The following DIAPH2 variants were observed in gnomAD, a reference collection of about 807,000 sequenced individuals.
DIAPH2 encodes the protein protein diaphanous homolog 2.
A neutral mutation model predicts 92.7 loss-of-function variants in DIAPH2; 35 were observed. The observed-to-expected ratio is 0.38, with a 90% confidence interval of 0.29 to 0.50. The LOEUF is 0.50. DIAPH2 is among the 20% of genes least tolerant of loss of function. The pLI is 0.94. For synonymous variants in DIAPH2, 301 were observed against 280.4 expected, an observed-to-expected ratio of 1.07 and a Z score of -0.73; for missense variants, 701 against 819.5, an observed-to-expected ratio of 0.86 and a Z score of 1.77.
intron 1 of DIAPH2, among the ~76,000 whole-genome samples, chrX:96,710,231 A>G (rs2063909748): frequency 8.9e-6 from 1 of 111,753 alleles, no homozygotes; most frequent in South Asian, 3.7e-4. Context: ...TCCTACCACA[A>G]TAGTTCTTTT....
chrX:97,254,825 A>G (rs1206917042), intron 23 of DIAPH2, among the ~76,000 whole-genome samples: 1 of 109,550 alleles, frequency 9.1e-6, no homozygotes, highest in African/African-American at 3.3e-5. Context: ...TCAGCTGCCC[A>G]AGTAGCTGGG....
chrX:97,214,011 G>A (rs1268071247), intron 22 of DIAPH2, among the ~76,000 whole-genome samples: 2 of 111,576 alleles, frequency 1.8e-5, no homozygotes, highest in East Asian at 5.7e-4. Flanking sequence ...GTAGGAAATT[G>A]CCCAGTAAAA....
At chrX:97,083,187 A>G (rs1323813497) in intron 19 of DIAPH2, among the ~76,000 whole-genome samples, 1 of 112,103 alleles carries the variant, frequency 8.9e-6, no homozygotes, top group African/African-American at 3.2e-5. Flanking sequence ...GTTATAGTAT[A>G]ATCTAACATA....
chrX:97,594,454 A>G (rs1199017627), intron 26 of DIAPH2, among the ~76,000 whole-genome samples: 2 of 112,916 alleles, frequency 1.8e-5, no homozygotes, highest in African/African-American at 6.4e-5. Context: ...TTTCAGTATA[A>G]CAGTCCAAAA....
At chrX:97,543,063 C>G (rs1254219976) in intron 26 of DIAPH2, among the ~76,000 whole-genome samples, 3 of 112,550 alleles carry the variant, frequency 2.7e-5, no homozygotes, top group Non-Finnish European at 1.9e-5. Flanking sequence ...GCAATCTGGG[C>G]TGGCTTCAGC....
intron 7 of DIAPH2, among the ~76,000 whole-genome samples, chrX:96,916,003 T>TA (rs747262520): frequency 4.5e-5 from 5 of 111,400 alleles, no homozygotes; most frequent in South Asian, 3.7e-4. Context: ...AAGAGCCTTT[T>TA]AAAAAAAATT....
intron 26 of DIAPH2, among the ~76,000 whole-genome samples, chrX:97,431,933 G>A (rs866432507): frequency 2.7e-5 from 3 of 111,677 alleles, no homozygotes; most frequent in East Asian, 2.8e-4. Flanking sequence ...TGCTAGTCCC[G>A]TTATTTTTAC....
At chrX:97,039,066 A>C (rs913151368) in intron 17 of DIAPH2, among the ~76,000 whole-genome samples, 2 of 111,369 alleles carry the variant, frequency 1.8e-5, no homozygotes, top group Non-Finnish European at 3.8e-5. Context: ...ATCATTTAGA[A>C]CACTCACAAA....
chrX:97,201,581 C>T (rs776259200), intron 22 of DIAPH2, among the ~76,000 whole-genome samples: 3 of 107,713 alleles, frequency 2.8e-5, no homozygotes, highest in Non-Finnish European at 5.7e-5. Context: ...GATTGAAGAC[C>T]ACCTTGCTGA....
chrX:97,385,732 A>G (rs756122848), intron 25 of DIAPH2, among the ~76,000 whole-genome samples: 153 of 112,325 alleles, frequency 1.4e-3, no homozygotes, highest in African/African-American at 4.6e-3. Context: ...CACTGTCAGG[A>G]GAAAATGATA....
rs2071589405 is a variant in DIAPH2 at position 97,600,777 on chromosome X, G to A, written c.*1460G>A. 1 of 111,826 alleles carries A rather than the reference G, an allele frequency of 8.9e-6. No homozygotes were observed. Among genetic ancestry groups the A allele is most frequent in the African/African-American group, 3.2e-5 (1 of 30,805 alleles). 9.2% of individuals were successfully genotyped at this position (111,826 alleles called of 1,213,427 possible). A position where few individuals can be genotyped will look rare whatever the true frequency, so the allele number is the denominator to read the frequency against. On this transcript the variant is annotated 3_prime_UTR_variant, in exon 27 of 27. Transcript: ENST00000324765. ...TGTTTCTACTCATTCAAAGCACATT[G>A]TAGATATTCAGAGAGAAGAACAAAT...
intron 26 of DIAPH2, among the ~76,000 whole-genome samples, chrX:97,536,947 G>A (rs1450829431): frequency 1.8e-5 from 2 of 111,961 alleles, no homozygotes; most frequent in Admixed American, 1.9e-4. Context: ...TGTTTTCAAG[G>A]ACCATATAGT....
chrX:96,766,236 T>A (rs1206539286), intron 4 of DIAPH2, among the ~76,000 whole-genome samples: 1 of 108,657 alleles, frequency 9.2e-6, no homozygotes, highest in African/African-American at 3.3e-5. Context: ...TATACACATA[T>A]ATATATATTT....
intron 15 of DIAPH2, 131 bp from the exon 16 acceptor site, chrX:96,957,697 T>A (rs2065820457): frequency 3.9e-6 from 2 of 506,936 alleles, no homozygotes; most frequent in Non-Finnish European, 6.4e-6. Context: ...GATATTTTAG[T>A]AATATCTAAA....
At chrX:96,995,518 G>C (rs1319346589) in intron 17 of DIAPH2, among the ~76,000 whole-genome samples, 5 of 111,186 alleles carry the variant, frequency 4.5e-5, no homozygotes, top group Middle Eastern at 4.7e-3. Flanking sequence ...AGCCTCACTG[G>C]GTATTCTCAG....
chrX:97,236,123 C>G (rs779500348), intron 22 of DIAPH2, among the ~76,000 whole-genome samples: 1 of 111,742 alleles, frequency 8.9e-6, no homozygotes, highest in African/African-American at 3.2e-5. Flanking sequence ...GGACTATGAC[C>G]TCAGCACTGA....
intron 4 of DIAPH2, among the ~76,000 whole-genome samples, chrX:96,855,677 G>T (rs2065035301): frequency 9.1e-6 from 1 of 110,123 alleles, no homozygotes; most frequent in Non-Finnish European, 1.9e-5. Context: ...GACCTAGTTT[G>T]GGAGGACAGG....
In DIAPH2 at chrX:97,077,022, G is replaced by C. The variant is rs138839362; in HGVS notation, c.2247+1761G>C. On this transcript the variant is annotated intron_variant, in intron 19 of 26. Coordinates refer to ENST00000324765, the MANE Select transcript of DIAPH2 (RefSeq NM_006729.5). ...GATCAAAACCCATTTTCTTAGTTTT[G>C]CTTGTGGGAAGAAAACAGTTTAACA... 9.9e-3 allele frequency among the ~76,000 whole-genome samples: 1,100 copies of C among 111,387 alleles called. 19 individuals are homozygous for C. Among genetic ancestry groups the C allele is most frequent in the African/African-American group, 0.034 (1,037 of 30,650 alleles).
intron 24 of DIAPH2, among the ~76,000 whole-genome samples, chrX:97,364,795 A>G (rs7888791): frequency 2.1e-5 from 2 of 93,908 alleles, no homozygotes; most frequent in African/African-American, 8.5e-5. Context: ...CCTTCCTTCA[A>G]TCTTAAATAA....
Sources: gnomAD v4.1 joint callset for allele counts (sites outside exome capture counted in the v4.1 genomes callset) on GRCh38, gnomAD v4.1.1 for gene constraint, MANE v1.5 for transcripts, NCBI Gene and HGNC (gene_info 2026-07-23, HGNC 2026-07-21) for gene names.